TAFA4: variants seen among roughly 807,000 people sequenced by gnomAD.
TAFA4 encodes chemokine-like protein TAFA-4.
TAFA4 carries 20 observed loss-of-function variants against 21.1 expected under a neutral mutation model. The observed-to-expected ratio is 0.95, with a 90% CI of 0.67 to 1.38. TAFA4 has a LOEUF of 1.38. TAFA4 is among the 40% of genes most tolerant of loss of function. The pLI, the probability that TAFA4 is intolerant of heterozygous loss-of-function variation, is 0.00. For synonymous variants in TAFA4, 71 were observed against 67.4 expected, an observed-to-expected ratio of 1.05 and a Z score of -0.26; for missense variants, 211 against 180.9, an observed-to-expected ratio of 1.17 and a Z score of -0.95.
At chr3:68,835,435 C>T (rs972355854) in intron 3 of TAFA4, among the ~76,000 whole-genome samples, 5 of 152,124 alleles carry the variant, frequency 3.3e-5, no homozygotes, top group African/African-American at 7.2e-5. Context: ...AATGAATGAA[C>T]GACGTAGAAG....
chr3:68,808,197 G>C (rs1051396417), intron 3 of TAFA4, among the ~76,000 whole-genome samples: 1 of 152,142 alleles, frequency 6.6e-6, no homozygotes, highest in Non-Finnish European at 1.5e-5. Context: ...CAGGAAAGCA[G>C]AGTCTCACAA....
At chr3:68,795,037 G>C (rs201719985) in intron 3 of TAFA4, among the ~76,000 whole-genome samples, 58 of 81,104 alleles carry the variant, frequency 7.2e-4, no homozygotes, top group African/African-American at 1.5e-3. Context: ...CACACACACA[G>C]ACACACAGTC....
At chr3:68,743,512 G>A (rs1325627477) in intron 4 of TAFA4, among the ~76,000 whole-genome samples, 4 of 150,936 alleles carry the variant, frequency 2.7e-5, no homozygotes, top group South Asian at 4.2e-4. Context: ...GGAGGCAGAG[G>A]TTGCAGTGAG....
chr3:68,828,917 G>A (rs1397000283), intron 3 of TAFA4, among the ~76,000 whole-genome samples: 1 of 152,100 alleles, frequency 6.6e-6, no homozygotes, highest in Non-Finnish European at 1.5e-5. Flanking sequence ...ATACTATGTT[G>A]ACTAGGAGTG....
At chr3:68,793,164 C>G (rs1039588372) in intron 3 of TAFA4, among the ~76,000 whole-genome samples, 1 of 151,970 alleles carries the variant, frequency 6.6e-6, no homozygotes, top group Non-Finnish European at 1.5e-5. Flanking sequence ...CCAAATGTAC[C>G]CTGGGAGATG....
At chr3:68,777,053 C>T (rs1195317705) in intron 3 of TAFA4, among the ~76,000 whole-genome samples, 16 of 151,990 alleles carry the variant, frequency 1.1e-4, no homozygotes, top group Admixed American at 9.2e-4. Context: ...GACATTTCTT[C>T]AGGCAGAGCA....
intron 4 of TAFA4, among the ~76,000 whole-genome samples, chr3:68,749,031 A>T (rs1015511235): frequency 6.6e-6 from 1 of 152,234 alleles, no homozygotes; most frequent in African/African-American, 2.4e-5. Flanking sequence ...ACAAAGAAGA[A>T]TGCTTACCAG....
At position 68,763,213 on chromosome 3, in the gene TAFA4, TTGG is replaced by T. The variant is rs374751383; in HGVS notation, c.131-10198_131-10196del. 6.8e-4 allele frequency among the ~76,000 whole-genome samples: 104 copies of T among 152,212 alleles called. 2 individuals carry two copies. The East Asian group carries it at 0.012, about 18-fold the overall frequency. ...GCCTAAAGAGAGACCTTTAGGAAAA[TTGG>T]TGAAGCTCTTGAATGCTTTTGTGAA... is the stretch of plus-strand genomic sequence containing the variant. On this transcript the variant is annotated intron_variant, in intron 3 of 5. Transcript: ENST00000295569.
intron 3 of TAFA4, among the ~76,000 whole-genome samples, chr3:68,879,260 CAG>C (rs1264380135): frequency 1.3e-5 from 2 of 151,972 alleles, no homozygotes; most frequent in Non-Finnish European, 2.9e-5. Context: ...AAAATCTGAC[CAG>C]AGTTTCTCAG....
intron 3 of TAFA4, among the ~76,000 whole-genome samples, chr3:68,813,445 G>A (rs1220152272): frequency 6.6e-6 from 1 of 152,076 alleles, no homozygotes; most frequent in Non-Finnish European, 1.5e-5. Context: ...GAAGAAAAGA[G>A]AAGAATCAAA....
intron 3 of TAFA4, among the ~76,000 whole-genome samples, chr3:68,776,209 A>C (rs565119303): frequency 7.2e-5 from 11 of 152,272 alleles, no homozygotes; most frequent in Non-Finnish European, 1.2e-4. Flanking sequence ...AAACTAAATA[A>C]TTCAATTAAA....
chr3:68,825,381 G>C (rs546188909), intron 3 of TAFA4, among the ~76,000 whole-genome samples: 1 of 152,060 alleles, frequency 6.6e-6, no homozygotes, highest in Non-Finnish European at 1.5e-5. Context: ...ATCATTGATG[G>C]GCATTTGGGT....
At chr3:68,894,234 C>T (rs2089761753) in intron 1 of TAFA4, among the ~76,000 whole-genome samples, 1 of 151,420 alleles carries the variant, frequency 6.6e-6, no homozygotes, top group Non-Finnish European at 1.5e-5. Context: ...TCAGGGGTCA[C>T]TGCGTCCTTC....
intron 5 of TAFA4, among the ~76,000 whole-genome samples, chr3:68,736,395 G>GGT (rs1165887127): frequency 1.3e-5 from 2 of 152,066 alleles, no homozygotes; most frequent in Non-Finnish European, 2.9e-5. Flanking sequence ...ACCTGGAAAA[G>GGT]ATAACTAGTT....
intron 1 of TAFA4, among the ~76,000 whole-genome samples, chr3:68,891,047 T>C (rs959398167): frequency 2.0e-5 from 3 of 152,194 alleles, no homozygotes; most frequent in African/African-American, 4.8e-5. Flanking sequence ...AAGAATTATA[T>C]ACAGCTTGAG....
chr3:68,778,568 G>C (rs1185077500), intron 3 of TAFA4, among the ~76,000 whole-genome samples: 1 of 152,168 alleles, frequency 6.6e-6, no homozygotes, highest in Non-Finnish European at 1.5e-5. Context: ...TTCCCATGCT[G>C]TTCTCATGAC....
At chr3:68,890,177 G>C (rs1182675725) in intron 1 of TAFA4, among the ~76,000 whole-genome samples, 1 of 152,170 alleles carries the variant, frequency 6.6e-6, no homozygotes, top group Non-Finnish European at 1.5e-5. Flanking sequence ...AGAAGAAAGA[G>C]AGACAGAAGA....
intron 3 of TAFA4, among the ~76,000 whole-genome samples, chr3:68,879,989 AAAC>A (rs1210823175): frequency 6.6e-6 from 1 of 152,172 alleles, no homozygotes; most frequent in Non-Finnish European, 1.5e-5. Context: ...TTATTCAGGA[AAAC>A]ACAATTTGCT....
At chr3:68,884,224 G>A (rs896182645) in intron 2 of TAFA4, among the ~76,000 whole-genome samples, 1 of 152,182 alleles carries the variant, frequency 6.6e-6, no homozygotes, top group Non-Finnish European at 1.5e-5. Context: ...GGGCCCTCTA[G>A]GCTGCATTTC....
Sources: allele counts gnomAD v4.1 joint callset (sites outside exome capture counted in the v4.1 genomes callset), GRCh38; gene constraint gnomAD v4.1.1; transcripts MANE v1.5; gene names NCBI Gene and HGNC (gene_info 2026-07-23, HGNC 2026-07-21).